Variants in LMBR1 observed in about 807,000 individuals in gnomAD.
LMBR1 encodes limb development membrane protein 1, also known as limb region 1 protein homolog.
LMBR1 carries 52 observed loss-of-function variants against 73.9 expected under a neutral mutation model. The ratio of observed to expected loss-of-function variants is 0.70; its 90% CI spans 0.56 to 0.89. The LOEUF is 0.89. Among genes scored for constraint, LMBR1 ranks in the 40% least tolerant of loss-of-function variants. The pLI, the probability that LMBR1 is intolerant of heterozygous loss-of-function variation, is 0.00. For synonymous variants in LMBR1, 215 were observed against 209.4 expected (o/e 1.03, Z -0.23); for missense variants, 539 against 579.8 (o/e 0.93, Z 0.72).
chr7:156,747,322 C>T (rs1006877426), intron 9 of LMBR1, among the ~76,000 whole-genome samples: 1 of 152,068 alleles, frequency 6.6e-6, no homozygotes, highest in African/African-American at 2.4e-5. Flanking sequence ...CAACTTTTCC[C>T]AGCTTTATTC....
At chr7:156,712,332 T>G (rs1390780821) in intron 15 of LMBR1, among the ~76,000 whole-genome samples, 1 of 152,120 alleles carries the variant, frequency 6.6e-6, no homozygotes, top group Non-Finnish European at 1.5e-5. Context: ...TCAGTCAGAA[T>G]GGCTACTATT....
Position 156,852,189 on chromosome 7 carries a change from C to T in LMBR1, c.67-15304G>A, listed in dbSNP as rs1243535616. ...ACAAATAATAATATAACAATAAACA[C>T]CAGAGGAAATGGGAAAAACAAAGTA... On this transcript the variant is annotated intron_variant, in intron 1 of 16. Coordinates refer to ENST00000353442, the MANE Select transcript of LMBR1 (RefSeq NM_022458.4). Among the ~76,000 whole-genome samples, 4 of 152,010 alleles carry T rather than the reference C, an allele frequency of 2.6e-5. No individual in the cohort carries two copies. In the East Asian group the frequency reaches 7.7e-4, roughly 29 times the overall value.
chr7:156,890,335 C>A, intron 1 of LMBR1, among the ~76,000 whole-genome samples: 1 of 142,054 alleles, frequency 7.0e-6, no homozygotes. Context: ...ATAAATTGAA[C>A]TATATTAAAA....
chr7:156,881,788 C>G (rs1369558942), intron 1 of LMBR1, among the ~76,000 whole-genome samples: 1 of 151,356 alleles, frequency 6.6e-6, no homozygotes, highest in Admixed American at 6.6e-5. Context: ...TCACCTCACA[C>G]CTGTTAGGAT....
intron 5 of LMBR1, among the ~76,000 whole-genome samples, chr7:156,792,792 T>C (rs967176412): frequency 3.9e-5 from 6 of 152,146 alleles, no homozygotes; most frequent in Non-Finnish European, 8.8e-5. Context: ...CGGCACAATA[T>C]GCAAGAAGCT....
chr7:156,762,223 A>C lies in LMBR1; in HGVS notation c.620-25T>G. The C allele has an allele frequency of 2.7e-6, 4 of 1,479,038 alleles. No individual in the cohort carries two copies. In the South Asian group the frequency reaches 4.6e-5, roughly 17 times the overall value. The allele number at this position is 1,479,038 out of a possible 1,614,324, so 91.6% of individuals were successfully genotyped here. ...ACTGCAGAAATAAGATCACCAAAAG[A>C]CAGAAAGCGACATTATAGAGCTTGG... is the stretch of plus-strand genomic sequence containing the variant. On this transcript the variant is annotated intron_variant, in intron 7 of 16. Transcript: ENST00000353442.
chr7:156,830,019 C>T (rs1205226288), intron 3 of LMBR1, among the ~76,000 whole-genome samples: 4 of 152,206 alleles, frequency 2.6e-5, no homozygotes, highest in Admixed American at 1.3e-4. Context: ...AGGACTTCTG[C>T]TCCTCACCTA....
chr7:156,765,471 C>A (rs1823915468), intron 5 of LMBR1, among the ~76,000 whole-genome samples: 1 of 152,126 alleles, frequency 6.6e-6, no homozygotes, highest in Non-Finnish European at 1.5e-5. Flanking sequence ...GTGAATTAAA[C>A]CTCTTTACTT....
At chr7:156,732,444 G>A (rs151257580) in intron 10 of LMBR1, among the ~76,000 whole-genome samples, 490 of 152,296 alleles carry the variant, frequency 3.2e-3, no homozygotes, top group African/African-American at 0.011. Context: ...GTGCCAGACA[G>A]GAGACTGAAG....
chr7:156,878,249 G>C (rs1800513861), intron 1 of LMBR1, among the ~76,000 whole-genome samples: 1 of 152,194 alleles, frequency 6.6e-6, no homozygotes, highest in Non-Finnish European at 1.5e-5. Context: ...AATTGGTAAA[G>C]AGGAAATCAA....
chr7:156,792,324 A>C (rs1829364554), intron 5 of LMBR1, among the ~76,000 whole-genome samples: 1 of 152,216 alleles, frequency 6.6e-6, no homozygotes, highest in African/African-American at 2.4e-5. Flanking sequence ...CCTTTTTATC[A>C]GTTGAAAAAT....
chr7:156,851,737 C>T (rs1233076899), intron 1 of LMBR1, among the ~76,000 whole-genome samples: 2 of 152,076 alleles, frequency 1.3e-5, no homozygotes, highest in African/African-American at 4.8e-5. Flanking sequence ...TATAGATATA[C>T]ATAGAGGTAT....
chr7:156,869,835 G>A (rs1799004688), intron 1 of LMBR1, among the ~76,000 whole-genome samples: 1 of 152,092 alleles, frequency 6.6e-6, no homozygotes, highest in South Asian at 2.1e-4. Flanking sequence ...AATCAAGAAA[G>A]AGCAGAGATA....
downstream of LMBR1, among the ~76,000 whole-genome samples, chr7:156,674,928 G>A (rs1803471700): frequency 6.6e-6 from 1 of 152,150 alleles, no homozygotes; most frequent in African/African-American, 2.4e-5. Flanking sequence ...TCCTGCTAAT[G>A]GTCAAAGCTC....
At chr7:156,846,803 T>C (rs988128608) in intron 1 of LMBR1, among the ~76,000 whole-genome samples, 8 of 152,114 alleles carry the variant, frequency 5.3e-5, no homozygotes, top group Admixed American at 1.3e-4. Context: ...CAATGTATTG[T>C]ATAGTTCAAG....
chr7:156,803,478 C>T (rs927298132), intron 4 of LMBR1, among the ~76,000 whole-genome samples: 1 of 151,978 alleles, frequency 6.6e-6, no homozygotes, highest in African/African-American at 2.4e-5. Context: ...GTTAGAATGG[C>T]GATCATTAAA....
intron 4 of LMBR1, among the ~76,000 whole-genome samples, chr7:156,671,737 G>A (rs940562890): frequency 1.3e-5 from 2 of 152,082 alleles, no homozygotes; most frequent in African/African-American, 2.4e-5. Flanking sequence ...CTCCCCAGTC[G>A]TCCTAGTATC....
At chr7:156,701,569 G>A (rs897798037) in intron 15 of LMBR1, among the ~76,000 whole-genome samples, 5 of 152,218 alleles carry the variant, frequency 3.3e-5, no homozygotes, top group Non-Finnish European at 7.3e-5. Context: ...ATATGCTGGT[G>A]AGGATGTGGA....
intron 11 of LMBR1, 78 bp downstream of exon 11, chr7:156,728,566 G>A (rs1021781684): frequency 4.0e-5 from 38 of 952,834 alleles, no homozygotes; most frequent in Non-Finnish European, 5.6e-5. Context: ...CCATTTAGCT[G>A]AGGGAGCTGC....
Sources: allele counts gnomAD v4.1 joint callset (sites outside exome capture counted in the v4.1 genomes callset), GRCh38; gene constraint gnomAD v4.1.1; transcripts MANE v1.5; gene names NCBI Gene and HGNC (gene_info 2026-07-23, HGNC 2026-07-21).